Variants in ZNF12 observed in about 807,000 individuals in gnomAD.
The protein encoded by ZNF12 is zinc finger protein 12.
ZNF12 carries 34 observed loss-of-function variants against 66.6 expected under a neutral mutation model. The ratio of observed to expected loss-of-function variants is 0.51; its 90% CI spans 0.39 to 0.68. ZNF12 has a LOEUF of 0.68. Among genes scored for constraint, ZNF12 ranks in the 30% least tolerant of loss-of-function variants. The probability of loss-of-function intolerance (pLI) is 0.00; values close to 1 mark genes in which losing one functional copy is unlikely to be tolerated. For missense variants in ZNF12, 697 were observed against 826.9 expected (o/e 0.84, Z 1.93); for synonymous variants, 320 against 278.9 (o/e 1.15, Z -1.47).
At position 6,696,566 on chromosome 7, in the gene ZNF12, A is replaced by G. The variant is rs564129359; in HGVS notation, c.238+773T>C. Among the ~76,000 whole-genome samples the G allele has an allele frequency of 6.6e-6, 1 of 152,336 alleles. No homozygotes were observed. Among genetic ancestry groups the G allele is most frequent in the African/African-American group, 2.4e-5 (1 of 41,576 alleles). On this transcript the variant is annotated intron_variant, in intron 4 of 4. Coordinates refer to ENST00000405858, the MANE Select transcript of ZNF12 (RefSeq NM_016265.4). This position sits in a 1 kb window ranked among gnomAD's most constrained non-coding sequence, Gnocchi z 4.0. The stretch of plus-strand genomic sequence containing the variant: ...ACTGGAGGCACCCTTTGAGAAACTC[A>G]TAATGCGAGGAAATCACAGTAGGTA...
In ZNF12 at chr7:6,697,238, G is replaced by T; in HGVS notation, c.238+101C>A. 1.2e-6 allele frequency: 1 copy of T among 829,338 alleles called. No homozygotes were observed. The allele number at this position is 829,338 out of a possible 1,614,324, so 51.4% of individuals were successfully genotyped here. On this transcript the variant is annotated intron_variant, in intron 4 of 4. Coordinates refer to ENST00000405858, the MANE Select transcript of ZNF12 (RefSeq NM_016265.4). The surrounding 1 kb of genome is among the most constrained non-coding windows in gnomAD (Gnocchi z 6.1). ...AGATTCAGGTTCATAGAGCATATAA[G>T]CAACTATTTCTAGTCACTTCTAAAG...
chr7:6,701,204 C>T (rs1780238105), intron 2 of ZNF12, among the ~76,000 whole-genome samples: 1 of 152,166 alleles, frequency 6.6e-6, no homozygotes, highest in Admixed American at 6.5e-5. Flanking sequence ...CAGGCATTGA[C>T]CAGAACGACT....
At position 6,692,784 on chromosome 7, in the gene ZNF12, C is replaced by T; in HGVS notation, c.239-81G>A. The T allele has an allele frequency of 2.2e-6, 3 of 1,347,654 alleles. No individual in the cohort carries two copies. The highest frequency in any genetic ancestry group is 3.0e-6 in the Non-Finnish European group (3 of 997,074). 83.5% of individuals were successfully genotyped at this position (1,347,654 alleles called of 1,614,324 possible). On this transcript the variant is annotated intron_variant, in intron 4 of 4. Transcript: ENST00000405858. The surrounding 1 kb of genome is among the most constrained non-coding windows in gnomAD (Gnocchi z 5.1). ...TGGAATGAGATTCATGATTTGTACA[C>T]ACGCATCTCATTGTGAGTAGATGCT...
At position 6,689,249 on chromosome 7, in the gene ZNF12, G is replaced by A. The variant is rs552670979; in HGVS notation, c.*1599C>T. The A allele has an allele frequency of 1.3e-5, 2 of 152,284 alleles. No individual in the cohort carries two copies. The highest frequency in any genetic ancestry group is 4.1e-4 in the South Asian group (2 of 4,832). 9.4% of individuals were successfully genotyped at this position (152,284 alleles called of 1,614,324 possible). A position where few individuals can be genotyped will look rare whatever the true frequency, so the allele number is the denominator to read the frequency against. ...CTCAAAGACATCATCCAGGTCTCAG[G>A]GTCTTTCAGTATTTCTGCTCAGGCC... On this transcript the variant is annotated 3_prime_UTR_variant, in exon 5 of 5. Transcript: ENST00000405858.
Position 6,692,197 on chromosome 7 carries a change from C to G in ZNF12, c.745G>C (p.Ala249Pro). Residue 249 changes from alanine to proline, a missense_variant, in exon 5 of 5, where the codon GCC becomes CCC. Transcript: ENST00000405858. The surrounding 1 kb of genome is among the most constrained non-coding windows in gnomAD (Gnocchi z 5.1). ...GTGAGGTCCGACATCTGGAGAAAGG[C>G]TATTTCAGATCCATTCCACTTATAG... ...KPYKWNGSEI[A>P]FLQMSDLTVH... The G allele has an allele frequency of 1.2e-6, 2 of 1,614,010 alleles. No homozygotes were observed. The highest frequency in any genetic ancestry group is 8.5e-7 in the Non-Finnish European group (1 of 1,179,894).
chr7:6,691,046 G>A lies in ZNF12; in HGVS notation c.1896C>T (p.Pro632=), dbSNP rs758037896. ...CTTTTCCACACTCATTACATTCAAA[G>A]GGTTTCTCTCCTGAATGAATTCGAT... ...IHHRIHSGEK[P]FECNECGKAF... The change falls in exon 5 of 5, where the codon CCC becomes CCT. Residue 632 remains proline (P), a synonymous_variant. Transcript: ENST00000405858. 4 of 1,614,034 alleles carry A rather than the reference G, an allele frequency of 2.5e-6. No individual in the cohort carries two copies. Among genetic ancestry groups the A allele is most frequent in the South Asian group, 1.1e-5 (1 of 91,072 alleles).
chr7:6,690,770 A>G lies in ZNF12; in HGVS notation c.*78T>C. ...CTAACCTGTGTGAACTCTCTGATGT[A>G]CAAGGTGTTTGACTTCAGGCAGGAG... On this transcript the variant is annotated 3_prime_UTR_variant, in exon 5 of 5. Coordinates refer to ENST00000405858, the MANE Select transcript of ZNF12 (RefSeq NM_016265.4). 1 of 1,380,274 alleles carries G rather than the reference A, an allele frequency of 7.2e-7. No homozygotes were observed. Among genetic ancestry groups the G allele is most frequent in the Non-Finnish European group, 9.7e-7 (1 of 1,030,202 alleles). 85.5% of individuals were successfully genotyped at this position (1,380,274 alleles called of 1,614,324 possible).
chr7:6,704,063 A>C (rs913958040), intron 2 of ZNF12: 5 of 152,216 alleles, frequency 3.3e-5, no homozygotes, highest in African/African-American at 9.7e-5. Context: ...ATGGTGGCTC[A>C]CACCTATAAT....
intron 2 of ZNF12, among the ~76,000 whole-genome samples, chr7:6,704,828 G>C (rs1226886795): frequency 7.0e-6 from 1 of 143,774 alleles, no homozygotes. Flanking sequence ...TGTTGATAAT[G>C]ATCTCAGAGG....
rs1562604305 is a variant in ZNF12 at position 6,706,739 on chromosome 7, T to C, written c.-358A>G. ...CGTCGTCACCGCCCGGCCGGCCCCT[T>C]GGGCCCCAGCGCCGTCGGCTCCGGG... On this transcript the variant is annotated 5_prime_UTR_variant, in exon 1 of 5. Transcript: ENST00000405858. 8.4e-6 allele frequency: 2 copies of C among 237,806 alleles called. No homozygotes were observed. Among genetic ancestry groups the C allele is most frequent in the Non-Finnish European group, 1.6e-5 (2 of 121,558 alleles). The allele number at this position is 237,806 out of a possible 1,614,324, so 14.7% of individuals were successfully genotyped here. A position where few individuals can be genotyped will look rare whatever the true frequency, so the allele number is the denominator to read the frequency against.
chr7:6,702,396 AC>A (rs1780263979), intron 2 of ZNF12, among the ~76,000 whole-genome samples: 1 of 30,390 alleles, frequency 3.3e-5, no homozygotes, highest in Non-Finnish European at 7.2e-5. Flanking sequence ...ACACACACAC[AC>A]AACCAGATTC....
Position 6,691,912 on chromosome 7 carries a change from G to T in ZNF12, c.1030C>A (p.Gln344Lys). 6.2e-7 allele frequency: 1 copy of T among 1,614,214 alleles called. No individual in the cohort carries two copies. The highest frequency in any genetic ancestry group is 8.5e-7 in the Non-Finnish European group (1 of 1,180,044). ...FYQKLHLIQHQRTHSGEKPYE... is the reference protein window; with the variant it reads ...FYQKLHLIQHKRTHSGEKPYE... Reference sequence around the variant, plus strand: ...GGCTTCTCTCCTGAGTGAGTTCTCTGATGCTGAATGAGGTGTAACTTCTGG... The same window carrying T: ...GGCTTCTCTCCTGAGTGAGTTCTCTTATGCTGAATGAGGTGTAACTTCTGG... Residue 344 changes from glutamine (Q) to lysine (K), a missense_variant, in exon 5 of 5, where the codon CAG becomes AAG. By Grantham distance (53) the Gln-to-Lys change is moderately conservative. This residue lies in a region of ZNF12 where 401 missense variants were observed against 519.0 expected (regional missense o/e 0.77). Coordinates refer to ENST00000405858, the MANE Select transcript of ZNF12 (RefSeq NM_016265.4).
rs759658498 is a variant in ZNF12, at chr7:6,690,677, G to C, written c.*171C>G. On this transcript the variant is annotated 3_prime_UTR_variant, in exon 5 of 5. Coordinates refer to ENST00000405858, the MANE Select transcript of ZNF12 (RefSeq NM_016265.4). ...TAGTATTGTTATACCATGTGGTCTT[G>C]TTATAATCATGGTTTCCATTCTGTG... 1.4e-5 allele frequency: 9 copies of C among 653,628 alleles called. No homozygotes were observed. Among genetic ancestry groups the C allele is most frequent in the Non-Finnish European group, 2.3e-5 (9 of 396,440 alleles). The allele number at this position is 653,628 out of a possible 1,614,324, so 40.5% of individuals were successfully genotyped here. A position where few individuals can be genotyped will look rare whatever the true frequency, so the allele number is the denominator to read the frequency against.
In ZNF12 at chr7:6,692,138, G is replaced by A. The variant is rs770080745; in HGVS notation, c.804C>T (p.Pro268=). The change falls in exon 5 of 5, where the codon CCC becomes CCT. Residue 268 remains proline, a synonymous_variant. Transcript: ENST00000405858. The surrounding 1 kb of genome is among the most constrained non-coding windows in gnomAD (Gnocchi z 5.1). Reference sequence around the variant, plus strand: ...ATTTCCCACATTCACTGCATTCATAGGGCTTCATTTCCATATGAGATGTCT... The same window carrying A: ...ATTTCCCACATTCACTGCATTCATAAGGCTTCATTTCCATATGAGATGTCT... ...VHQTSHMEMK[P]YECSECGKSF... The A allele has an allele frequency of 1.2e-6, 2 of 1,614,082 alleles. No individual in the cohort carries two copies. The highest frequency in any genetic ancestry group is 1.7e-6 in the Non-Finnish European group (2 of 1,179,970).
rs1780332891 is a variant in ZNF12, at chr7:6,705,148, G to A, written c.15+11C>T. The A allele has an allele frequency of 6.2e-7, 1 of 1,613,454 alleles. No individual in the cohort carries two copies. Among genetic ancestry groups the A allele is most frequent in the Non-Finnish European group, 8.5e-7 (1 of 1,179,586 alleles). ...AGAGTAGAGAATAAATACATGAACA[G>A]AAACACTCACCAGGGATTTATTCAT... On this transcript the variant is annotated intron_variant, in intron 2 of 4. Coordinates refer to ENST00000405858, the MANE Select transcript of ZNF12 (RefSeq NM_016265.4). This position sits in a 1 kb window ranked among gnomAD's most constrained non-coding sequence, Gnocchi z 4.0.
chr7:6,692,235 A>C lies in ZNF12; in HGVS notation c.707T>G (p.Met236Arg), dbSNP rs61731529. 1 of 1,613,920 alleles carries C rather than the reference A, an allele frequency of 6.2e-7. No homozygotes were observed. Among genetic ancestry groups the C allele is most frequent in the East Asian group, 2.2e-5 (1 of 44,866 alleles). The change falls in exon 5 of 5, where the codon ATG (methionine) becomes AGG (arginine). Residue 236 changes from methionine to arginine, a missense_variant. By Grantham distance (91) the Met-to-Arg change is moderately conservative. Transcript: ENST00000405858. This position sits in a 1 kb window ranked among gnomAD's most constrained non-coding sequence, Gnocchi z 5.1. ...FQKDTVFVNH[M>R]EEKPYKWNGS... is the part of the protein sequence containing the mutation. Reference sequence around the variant, plus strand: ...ATTCCACTTATAGGGCTTTTCTTCCATGTGATTAACAAAAACAGTGTCCTT... The same window carrying C: ...ATTCCACTTATAGGGCTTTTCTTCCCTGTGATTAACAAAAACAGTGTCCTT...
At position 6,703,567 on chromosome 7, in the gene ZNF12, T is replaced by TG. The variant is rs1302753233; in HGVS notation, c.15+1591dup. ...CAATAGGAACAAGAGAAGGCATAGG[T>TG]GGGGGGGCTCCAAATAATTATTCTG... On this transcript the variant is annotated intron_variant, in intron 2 of 4. Transcript: ENST00000405858. Among the ~76,000 whole-genome samples the TG allele has an allele frequency of 5.3e-5, 8 of 151,840 alleles. No homozygotes were observed. In the East Asian group the frequency reaches 9.7e-4, roughly 18 times the overall value.
chr7:6,700,336 C>CACACACACACACACACAT lies in ZNF12; in HGVS notation c.16-2526_16-2525insATGTGTGTGTGTGTGTGT, dbSNP rs59783256. 4.9e-5 allele frequency among the ~76,000 whole-genome samples: 7 copies of CACACACACACACACACAT among 143,072 alleles called. No homozygotes were observed. In the East Asian group the frequency reaches 1.0e-3, roughly 21 times the overall value. 93.9% of individuals were successfully genotyped at this position (143,072 alleles called of 152,430 possible). A position where few individuals can be genotyped will look rare whatever the true frequency, so the allele number is the denominator to read the frequency against. On this transcript the variant is annotated intron_variant, in intron 2 of 4. Coordinates refer to ENST00000405858, the MANE Select transcript of ZNF12 (RefSeq NM_016265.4). The stretch of plus-strand genomic sequence containing the variant: ...ACACACACACACACACACACACACA[C>CACACACACACACACACAT]ATATATATACATATGTGCCAGGGAC...
chr7:6,706,415 G>A lies in ZNF12; in HGVS notation c.-51+17C>T, dbSNP rs1454194100. 1.3e-5 allele frequency: 6 copies of A among 470,332 alleles called. No individual in the cohort carries two copies. Among genetic ancestry groups the A allele is most frequent in the East Asian group, 6.5e-5 (1 of 15,314 alleles). 29.1% of individuals were successfully genotyped at this position (470,332 alleles called of 1,614,324 possible). Reference sequence around the variant, plus strand: ...CCCAGGCCCTTCTCGCCCCGGGCCCGCAAACCCACGACTTACCCTCCTGGG... The same window carrying A: ...CCCAGGCCCTTCTCGCCCCGGGCCCACAAACCCACGACTTACCCTCCTGGG... On this transcript the variant is annotated intron_variant, in intron 1 of 4. Transcript: ENST00000405858.
Sources: allele counts gnomAD v4.1 joint callset (sites outside exome capture counted in the v4.1 genomes callset), GRCh38; gene constraint gnomAD v4.1.1; regional missense constraint gnomAD v4.1.1; non-coding constraint Gnocchi (gnomAD v3.1); transcripts MANE v1.5; gene names NCBI Gene and HGNC (gene_info 2026-07-23, HGNC 2026-07-21).